KLHL29: variants seen among roughly 807,000 people sequenced by gnomAD.
The protein encoded by KLHL29 is kelch-like protein 29.
In KLHL29, 21 loss-of-function variants were observed where a neutral mutation model predicts 80.4. The observed-to-expected ratio is 0.26, with a 90% confidence interval of 0.19 to 0.38. The LOEUF is 0.38. KLHL29 is among the 10% of genes least tolerant of loss of function. The pLI is 1.00. For synonymous variants in KLHL29, 511 were observed against 526.8 expected (o/e 0.97, Z 0.41); for missense variants, 867 against 1,223.9 (o/e 0.71, Z 4.35).
chr2:23,522,224 T>C (rs1441107323), intron 2 of KLHL29, among the ~76,000 whole-genome samples: 1 of 151,984 alleles, frequency 6.6e-6, no homozygotes, highest in African/African-American at 2.4e-5. Context: ...TCTTGGCTCA[T>C]GGCAACCTCC....
At position 23,696,600 on chromosome 2, in the gene KLHL29, C is replaced by T; in HGVS notation, c.2105+87C>T. On this transcript the variant is annotated intron_variant, in intron 11 of 13. Transcript: ENST00000486442. The surrounding 1 kb of genome is among the most constrained non-coding windows in gnomAD (Gnocchi z 5.5). ...CACTCACTGTACCTCCCAACACCCA[C>T]TCAGTGGCGATGGAGCAGAGCCTGG... 1.8e-6 allele frequency: 2 copies of T among 1,086,306 alleles called. No homozygotes were observed. Among genetic ancestry groups the T allele is most frequent in the Non-Finnish European group, 2.6e-6 (2 of 764,324 alleles). 67.3% of individuals were successfully genotyped at this position (1,086,306 alleles called of 1,614,324 possible). A position where few individuals can be genotyped will look rare whatever the true frequency, so the allele number is the denominator to read the frequency against.
At chr2:23,525,046 T>G (rs1666257571) in intron 2 of KLHL29, among the ~76,000 whole-genome samples, 1 of 152,258 alleles carries the variant, frequency 6.6e-6, no homozygotes, top group Admixed American at 6.5e-5. Context: ...GAATGAGATT[T>G]GTTTTTAAAA....
intron 1 of KLHL29, among the ~76,000 whole-genome samples, chr2:23,397,329 C>A (rs1051796695): frequency 2.6e-5 from 4 of 152,228 alleles, no homozygotes; most frequent in Admixed American, 6.5e-5. Flanking sequence ...CTTTTCAGAG[C>A]TACGGCCCTG....
Position 23,684,403 on chromosome 2 carries a change from G to T in KLHL29, c.945G>T (p.Met315Ile). 6.5e-7 allele frequency: 1 copy of T among 1,530,336 alleles called. No individual in the cohort carries two copies. Among genetic ancestry groups the T allele is most frequent in the Non-Finnish European group, 8.8e-7 (1 of 1,137,868 alleles). The allele number at this position is 1,530,336 out of a possible 1,614,324, so 94.8% of individuals were successfully genotyped here. ...EFTDPGHPRE[M>I]LKELNQQRRA... Reference sequence around the variant, plus strand: ...TCTGTCTTCTCTGTTCTGCAGAAATGTTGAAGGAATTGAACCAGCAACGCA... The same window carrying T: ...TCTGTCTTCTCTGTTCTGCAGAAATTTTGAAGGAATTGAACCAGCAACGCA... Residue 315 changes from methionine to isoleucine, a missense_variant, in exon 6 of 14, where the codon ATG (methionine) becomes ATT (isoleucine). Met to Ile is a conservative substitution (Grantham distance 10). Transcript: ENST00000486442. This position sits in a 1 kb window ranked among gnomAD's most constrained non-coding sequence, Gnocchi z 4.4.
At chr2:23,661,141 G>C (rs146969825) in intron 5 of KLHL29, among the ~76,000 whole-genome samples, 3 of 152,268 alleles carry the variant, frequency 2.0e-5, no homozygotes, top group African/African-American at 7.2e-5. Flanking sequence ...AGGAGTTTAA[G>C]AGCAGCCTGG....
intron 1 of KLHL29, among the ~76,000 whole-genome samples, chr2:23,398,689 G>T (rs1264069508): frequency 6.6e-6 from 1 of 152,204 alleles, no homozygotes; most frequent in East Asian, 1.9e-4. Flanking sequence ...TGTTTTCAGA[G>T]AAGGTTCCAA....
At chr2:23,652,778 A>G (rs531621876) in intron 5 of KLHL29, among the ~76,000 whole-genome samples, 64 of 152,336 alleles carry the variant, frequency 4.2e-4, no homozygotes, top group African/African-American at 1.5e-3. Context: ...TTCCAAATGA[A>G]GCGAAAAGAG....
At chr2:23,584,183 G>A (rs1009597065) in intron 3 of KLHL29, among the ~76,000 whole-genome samples, 1 of 152,214 alleles carries the variant, frequency 6.6e-6, no homozygotes, top group African/African-American at 2.4e-5. Context: ...GGTCTGTGCC[G>A]TGTTTTTCTC....
chr2:23,550,912 G>A (rs906269735), intron 2 of KLHL29, among the ~76,000 whole-genome samples: 48 of 152,248 alleles, frequency 3.2e-4, no homozygotes, highest in African/African-American at 1.1e-3. Context: ...GCGGCCCTGG[G>A]AGGGGGTAAG....
intron 5 of KLHL29, among the ~76,000 whole-genome samples, chr2:23,644,446 T>C (rs1302730036): frequency 6.6e-6 from 1 of 152,240 alleles, no homozygotes; most frequent in African/African-American, 2.4e-5. Flanking sequence ...TCTTGCTGGC[T>C]TGCCACGTTC....
chr2:23,499,271 G>A lies in KLHL29; in HGVS notation c.-46+23604G>A, dbSNP rs1179468138. Among the ~76,000 whole-genome samples, 3 of 152,274 alleles carry A rather than the reference G, an allele frequency of 2.0e-5. No individual in the cohort carries two copies. In the East Asian group the frequency reaches 5.8e-4, roughly 29 times the overall value. On this transcript the variant is annotated intron_variant, in intron 2 of 13. Transcript: ENST00000486442. Reference sequence around the variant, plus strand: ...GGTGGGATTTCTTGTAGGCCAGACAGTGGAATGGTTTAGAGCAGCCCTACC... The same window carrying A: ...GGTGGGATTTCTTGTAGGCCAGACAATGGAATGGTTTAGAGCAGCCCTACC...
chr2:23,535,431 CAG>C (rs1666631796), intron 2 of KLHL29, among the ~76,000 whole-genome samples: 1 of 152,208 alleles, frequency 6.6e-6, no homozygotes, highest in African/African-American at 2.4e-5. Flanking sequence ...TAAAATCTAA[CAG>C]ATATTTGTAT....
chr2:23,627,446 G>A (rs996986262), intron 3 of KLHL29, among the ~76,000 whole-genome samples: 3 of 152,214 alleles, frequency 2.0e-5, no homozygotes, highest in African/African-American at 7.2e-5. Flanking sequence ...TCCCACCACG[G>A]AGCGGTCATT....
At chr2:23,586,189 CATAAA>C (rs1340548001) in intron 3 of KLHL29, among the ~76,000 whole-genome samples, 7 of 151,994 alleles carry the variant, frequency 4.6e-5, no homozygotes, top group Admixed American at 4.6e-4. Flanking sequence ...GTAAGCGATA[CATAAA>C]ATAAAATTTG....
chr2:23,529,119 T>G (rs1479669751), intron 2 of KLHL29, among the ~76,000 whole-genome samples: 1 of 152,226 alleles, frequency 6.6e-6, no homozygotes, highest in African/African-American at 2.4e-5. Flanking sequence ...TTTACTAATT[T>G]TTTTTAGAGA....
chr2:23,607,675 A>G (rs910647038), intron 3 of KLHL29, among the ~76,000 whole-genome samples: 5 of 152,212 alleles, frequency 3.3e-5, no homozygotes, highest in African/African-American at 1.2e-4. Flanking sequence ...CTCCTGTCAG[A>G]TCAGCAATGA....
At chr2:23,458,605 C>A (rs570720757) in intron 1 of KLHL29, among the ~76,000 whole-genome samples, 1 of 152,214 alleles carries the variant, frequency 6.6e-6, no homozygotes, top group African/African-American at 2.4e-5. Flanking sequence ...CATAGCTCTA[C>A]AGCCAGGATG....
At chr2:23,419,695 G>C (rs540285175) in intron 1 of KLHL29, among the ~76,000 whole-genome samples, 5 of 152,312 alleles carry the variant, frequency 3.3e-5, no homozygotes, top group Non-Finnish European at 5.9e-5. Context: ...CCAGGAGTCT[G>C]GCATTGGGCT....
intron 1 of KLHL29, among the ~76,000 whole-genome samples, chr2:23,412,943 A>G (rs1184396717): frequency 6.6e-6 from 1 of 152,084 alleles, no homozygotes; most frequent in African/African-American, 2.4e-5. Flanking sequence ...ACTGCTTGTC[A>G]CTTTGCCAAA....
Sources: allele counts gnomAD v4.1 joint callset (sites outside exome capture counted in the v4.1 genomes callset), GRCh38; gene constraint gnomAD v4.1.1; non-coding constraint Gnocchi (gnomAD v3.1); transcripts MANE v1.5; gene names NCBI Gene and HGNC (gene_info 2026-07-23, HGNC 2026-07-21).